PALLD: variants seen among roughly 807,000 people sequenced by gnomAD.
The protein encoded by PALLD is palladin.
PALLD carries 61 observed loss-of-function variants against 123.5 expected under a neutral mutation model. The ratio of observed to expected loss-of-function variants is 0.49; its 90% CI spans 0.40 to 0.61. The LOEUF is 0.61. PALLD is among the 20% of genes least tolerant of loss of function. The pLI, the probability that PALLD is intolerant of heterozygous loss-of-function variation, is 0.00. For missense variants in PALLD, 1,273 were observed against 1,377.0 expected (o/e 0.92, Z 1.20); for synonymous variants, 465 against 496.4 (o/e 0.94, Z 0.84).
At chr4:168,898,185 C>G (rs935954912) in intron 13 of PALLD, 3 of 413,776 alleles carry the variant, frequency 7.3e-6, no homozygotes, top group Non-Finnish European at 1.4e-5. Flanking sequence ...GAATACATAG[C>G]TTTGCTTTTG....
At chr4:168,614,500 A>C (rs768263388) in intron 2 of PALLD, among the ~76,000 whole-genome samples, 62 of 152,122 alleles carry the variant, frequency 4.1e-4, no homozygotes, top group Non-Finnish European at 8.8e-5. Flanking sequence ...AATTTGAAAA[A>C]CCATAAAGCA....
chr4:168,615,161 T>TA (rs11381519), intron 2 of PALLD, among the ~76,000 whole-genome samples: 85,375 of 146,432 alleles, frequency 0.58, 24,689 homozygotes, highest in East Asian at 0.79. Context: ...GATGGTAAGT[T>TA]AAAAAAAAAA....
In PALLD at chr4:168,869,307, G is replaced by A. The variant is rs372643220; in HGVS notation, c.1965-21615G>A. 9.2e-5 allele frequency among the ~76,000 whole-genome samples: 14 copies of A among 152,264 alleles called. 1 individual carries two copies. The South Asian group carries it at 2.3e-3, about 25-fold the overall frequency. ...AGATAGAACACATCTGGCTCTGGGC[G>A]ATCTGGGCTGGTGTGTGAGATGATA... On this transcript the variant is annotated intron_variant, in intron 10 of 21. Transcript: ENST00000505667. The surrounding 1 kb of genome is among the most constrained non-coding windows in gnomAD (Gnocchi z 4.5).
chr4:168,620,797 C>G (rs983597477), intron 2 of PALLD, among the ~76,000 whole-genome samples: 1 of 152,196 alleles, frequency 6.6e-6, no homozygotes, highest in Non-Finnish European at 1.5e-5. Context: ...AACCATGGGT[C>G]TATACCTCAA....
chr4:168,839,496 G>C (rs900465001), intron 10 of PALLD, among the ~76,000 whole-genome samples: 4 of 150,740 alleles, frequency 2.7e-5, no homozygotes, highest in Admixed American at 6.6e-5. Context: ...TGAGCGAATG[G>C]CAAAGGAACT....
intron 2 of PALLD, among the ~76,000 whole-genome samples, chr4:168,665,492 G>A (rs1779549586): frequency 6.6e-6 from 1 of 152,174 alleles, no homozygotes; most frequent in Admixed American, 6.5e-5. Context: ...GAACCCGGGA[G>A]GCGGAGCTTG....
intron 6 of PALLD, 118 bp downstream of exon 6, chr4:168,685,677 C>T: frequency 3.9e-6 from 3 of 777,642 alleles, no homozygotes; most frequent in South Asian, 1.4e-5. Flanking sequence ...GGCTGATTAC[C>T]ATGGTTACCT....
chr4:168,919,261 C>G (rs1487129779), intron 17 of PALLD, among the ~76,000 whole-genome samples: 1 of 152,100 alleles, frequency 6.6e-6, no homozygotes, highest in South Asian at 2.1e-4. Context: ...ACGTGGGTCA[C>G]GCCTGTAATC....
At chr4:168,689,711 G>C (rs1782440459) in intron 6 of PALLD, among the ~76,000 whole-genome samples, 1 of 151,988 alleles carries the variant, frequency 6.6e-6, no homozygotes, top group African/African-American at 2.4e-5. Context: ...GCCTCCCAAA[G>C]AGCTGGAATT....
At position 168,539,479 on chromosome 4, in the gene PALLD, T is replaced by A. The variant is rs183898101; in HGVS notation, c.908+27067T>A. ...GGCGCACCCCTGTAATCCCAGCTACTCAGGAGGCTGAGGCAGGAGAATCGC... is the reference window on the plus strand; with the variant it reads ...GGCGCACCCCTGTAATCCCAGCTACACAGGAGGCTGAGGCAGGAGAATCGC... On this transcript the variant is annotated intron_variant, in intron 2 of 21. Transcript: ENST00000505667. Among the ~76,000 whole-genome samples, 24 of 152,000 alleles carry A rather than the reference T, an allele frequency of 1.6e-4. No individual in the cohort carries two copies. In the East Asian group the frequency reaches 3.7e-3, roughly 23 times the overall value.
intron 10 of PALLD, among the ~76,000 whole-genome samples, chr4:168,734,321 A>G (rs1787512095): frequency 6.6e-6 from 1 of 151,834 alleles, no homozygotes; most frequent in African/African-American, 2.4e-5. Flanking sequence ...CAGTAGGTGG[A>G]GAAGCCAGCT....
intron 10 of PALLD, among the ~76,000 whole-genome samples, chr4:168,752,084 T>C (rs77985340): frequency 1.4e-3 from 216 of 152,294 alleles, no homozygotes; most frequent in African/African-American, 5.0e-3. Flanking sequence ...AACTTAAAAG[T>C]CAATTTCTTG....
chr4:168,547,304 T>A (rs544079692), intron 2 of PALLD, among the ~76,000 whole-genome samples: 18 of 152,190 alleles, frequency 1.2e-4, no homozygotes, highest in African/African-American at 4.1e-4. Context: ...CAAACTTGCC[T>A]CAGGTTATTA....
At position 168,715,345 on chromosome 4, in the gene PALLD, GCAA is replaced by G. The variant is rs1174687472; in HGVS notation, c.1964+3424_1964+3426del. 2.0e-5 allele frequency among the ~76,000 whole-genome samples: 3 copies of G among 152,282 alleles called. No homozygotes were observed. In the East Asian group the frequency reaches 5.8e-4, roughly 29 times the overall value. On this transcript the variant is annotated intron_variant, in intron 10 of 21. Transcript: ENST00000505667. ...CAGATGACCTGCACACAGGATTTGT[GCAA>G]CGCCTTACCACCCGCTGTGGGACTG...
At chr4:168,687,077 T>C (rs543568788) in intron 6 of PALLD, among the ~76,000 whole-genome samples, 32 of 152,230 alleles carry the variant, frequency 2.1e-4, no homozygotes, top group South Asian at 4.1e-4. Context: ...GACAAACAAT[T>C]CCTAGTAAAC....
intron 2 of PALLD, among the ~76,000 whole-genome samples, chr4:168,605,753 C>A (rs1773100267): frequency 6.6e-6 from 1 of 152,074 alleles, no homozygotes; most frequent in African/African-American, 2.4e-5. Context: ...TACCAGTAGT[C>A]CCCAAAAATA....
Position 168,779,397 on chromosome 4 carries a change from C to T in PALLD, c.1964+67474C>T, listed in dbSNP as rs577328300. On this transcript the variant is annotated intron_variant, in intron 10 of 21. Transcript: ENST00000505667. ...TTTGAAACTCTCCAACATAAGGATG[C>T]TGGGGAGAAAACATTCCTATGTTTT... 2.0e-5 allele frequency among the ~76,000 whole-genome samples: 3 copies of T among 152,088 alleles called. No homozygotes were observed. In the South Asian group the frequency reaches 6.2e-4, roughly 32 times the overall value.
intron 10 of PALLD, among the ~76,000 whole-genome samples, chr4:168,755,336 G>A (rs1476049491): frequency 6.6e-6 from 1 of 152,114 alleles, no homozygotes; most frequent in South Asian, 2.1e-4. Flanking sequence ...TATGGGCAGG[G>A]ACTTGAATTA....
At chr4:168,684,404 G>C (rs1040895754) in intron 5 of PALLD, among the ~76,000 whole-genome samples, 2 of 152,170 alleles carry the variant, frequency 1.3e-5, no homozygotes, top group Non-Finnish European at 2.9e-5. Flanking sequence ...GTGACATCAA[G>C]TAATGCTCTG....
Sources: gnomAD v4.1 joint callset for allele counts (sites outside exome capture counted in the v4.1 genomes callset) on GRCh38, gnomAD v4.1.1 for gene constraint, Gnocchi (gnomAD v3.1) non-coding constraint, MANE v1.5 for transcripts, NCBI Gene and HGNC (gene_info 2026-07-23, HGNC 2026-07-21) for gene names.